Variants in CGGBP1 observed in about 807,000 individuals in gnomAD.
CGGBP1 encodes CGG triplet repeat binding protein 1.
CGGBP1 carries 4 observed loss-of-function variants against 11.4 expected under a neutral mutation model. The ratio of observed to expected loss-of-function variants is 0.35; its 90% CI spans 0.17 to 0.80. The LOEUF is 0.80. Among genes scored for constraint, CGGBP1 ranks in the 30% least tolerant of loss-of-function variants. The pLI is 0.52. For synonymous variants in CGGBP1, 76 were observed against 74.1 expected, an observed-to-expected ratio of 1.03 and a Z score of -0.13; for missense variants, 135 against 202.1, an observed-to-expected ratio of 0.67 and a Z score of 2.01.
At chr3:88,073,785 C>T (rs1311454536) in intron 2 of CGGBP1, among the ~76,000 whole-genome samples, 13 of 152,100 alleles carry the variant, frequency 8.5e-5, no homozygotes, top group African/African-American at 2.9e-4. Flanking sequence ...AATTGTTAAT[C>T]AGTAGCTACA....
rs577079697 is a variant in CGGBP1, at chr3:88,139,205, T to G, written c.-229+1765A>C. 8.9e-6 allele frequency: 13 copies of G among 1,460,296 alleles called. No homozygotes were observed. The South Asian group carries it at 1.8e-4, about 20-fold the overall frequency. The allele number at this position is 1,460,296 out of a possible 1,614,324, so 90.5% of individuals were successfully genotyped here. A position where few individuals can be genotyped will look rare whatever the true frequency, so the allele number is the denominator to read the frequency against. The stretch of plus-strand genomic sequence containing the variant: ...ATCAGAGCACTGGAGAGACTGATCC[T>G]GATGATGTATCTGGAGTGCAGCCTA... On this transcript the variant is annotated intron_variant, in intron 2 of 3. Transcript: ENST00000462901.
In CGGBP1 at chr3:88,054,024, A is replaced by G. The variant is rs1347147149; in HGVS notation, c.*1449T>C. 6.6e-6 allele frequency: 1 copy of G among 152,606 alleles called. No homozygotes were observed. Among genetic ancestry groups the G allele is most frequent in the Non-Finnish European group, 1.5e-5 (1 of 68,000 alleles). The allele number at this position is 152,606 out of a possible 1,614,324, so 9.5% of individuals were successfully genotyped here. Reference sequence around the variant, plus strand: ...TAAGTCTGTAAAAAAATCTTAAGACATGGAAAGCTGTTACTGAAAAATACA... The same window carrying G: ...TAAGTCTGTAAAAAAATCTTAAGACGTGGAAAGCTGTTACTGAAAAATACA... On this transcript the variant is annotated 3_prime_UTR_variant, in exon 4 of 4. Transcript: ENST00000482016.
At chr3:88,094,744 TCTTGTGCTAAG>T (rs1703956783) in intron 2 of CGGBP1, among the ~76,000 whole-genome samples, 1 of 152,138 alleles carries the variant, frequency 6.6e-6, no homozygotes, top group Admixed American at 6.6e-5. Context: ...AATGGCTTAA[TCTTGTGCTAAG>T]TCAGATCATT....
chr3:88,094,323 G>T (rs1483131751), intron 2 of CGGBP1, among the ~76,000 whole-genome samples: 11 of 151,952 alleles, frequency 7.2e-5, no homozygotes, highest in Admixed American at 7.2e-4. Context: ...TCTTTTCCCC[G>T]GTAATTTTGG....
At chr3:88,061,129 C>A (rs1264156173), upstream of CGGBP1, among the ~76,000 whole-genome samples, 1 of 152,064 alleles carries the variant, frequency 6.6e-6, no homozygotes, top group Non-Finnish European at 1.5e-5. Flanking sequence ...CATCTAGAAA[C>A]CACGCTATTG....
rs773152952 is a variant in CGGBP1, at chr3:88,141,089, A to G, written c.-337-11T>C. ...TCTTAGTAGAGGTATCTGTAGAAAG[A>G]GAAAATGGCATAAATAAAACTATTA... On this transcript the variant is annotated splice_polypyrimidine_tract_variant and intron_variant, in intron 1 of 3. Transcript: ENST00000462901. 1.0e-5 allele frequency: 16 copies of G among 1,530,860 alleles called. No homozygotes were observed. The South Asian group carries it at 1.7e-4, about 16-fold the overall frequency. The allele number at this position is 1,530,860 out of a possible 1,614,324, so 94.8% of individuals were successfully genotyped here.
At chr3:88,067,999 A>C (rs2107603902) in intron 2 of CGGBP1, among the ~76,000 whole-genome samples, 1 of 152,250 alleles carries the variant, frequency 6.6e-6, no homozygotes, top group East Asian at 1.9e-4. Context: ...CTATATTATA[A>C]GACCCCTGAA....
chr3:88,091,985 T>C (rs746099057), intron 2 of CGGBP1, among the ~76,000 whole-genome samples: 2 of 152,228 alleles, frequency 1.3e-5, no homozygotes, highest in African/African-American at 2.4e-5. Context: ...AAATAATGTG[T>C]TAAGCAGAAG....
chr3:88,118,592 T>C (rs990225776), intron 2 of CGGBP1, among the ~76,000 whole-genome samples: 20 of 152,192 alleles, frequency 1.3e-4, no homozygotes, highest in Admixed American at 1.2e-3. Context: ...GGCCCTTCTC[T>C]AGAGTACTTG....
rs1271098395 is a variant in CGGBP1, at chr3:88,053,093, G to A, written c.*2380C>T. 1.3e-5 allele frequency: 2 copies of A among 152,470 alleles called. No individual in the cohort carries two copies. The allele number at this position is 152,470 out of a possible 1,614,324, so 9.4% of individuals were successfully genotyped here. A position where few individuals can be genotyped will look rare whatever the true frequency, so the allele number is the denominator to read the frequency against. On this transcript the variant is annotated 3_prime_UTR_variant, in exon 4 of 4. Coordinates refer to ENST00000482016, the MANE Select transcript of CGGBP1 (RefSeq NM_001008390.2). ...CATCACACTAACACTATATAGTTAA[G>A]ATTGAAAACTTCTGTACACACGTTC...
At chr3:88,126,127 C>G in intron 2 of CGGBP1, 2 of 1,493,674 alleles carry the variant, frequency 1.3e-6, no homozygotes, top group Non-Finnish European at 1.8e-6. Flanking sequence ...TGATTTTTCT[C>G]TCCTAGGAAT....
intron 2 of CGGBP1, among the ~76,000 whole-genome samples, chr3:88,079,663 A>G (rs1307425960): frequency 6.6e-6 from 1 of 152,064 alleles, no homozygotes; most frequent in Non-Finnish European, 1.5e-5. Context: ...AGGTTGGACT[A>G]GATAATCTTC....
upstream of CGGBP1, among the ~76,000 whole-genome samples, chr3:88,060,029 G>A (rs1057176399): frequency 1.3e-4 from 19 of 151,954 alleles, no homozygotes; most frequent in African/African-American, 4.6e-4. Flanking sequence ...AGATCCCGCT[G>A]GGCCGGTTCT....
At chr3:88,091,209 T>G (rs2079051124) in intron 2 of CGGBP1, among the ~76,000 whole-genome samples, 1 of 152,188 alleles carries the variant, frequency 6.6e-6, no homozygotes, top group Non-Finnish European at 1.5e-5. Context: ...ACATAATGAC[T>G]GTACTATGTT....
rs947986942 is a variant in CGGBP1 at position 88,054,920 on chromosome 3, G to A, written c.*553C>T. ...AAGTATGGAATTGAAAGATAGTTAAGGTGACTACATCATATACAAGTAAAA... is the reference window on the plus strand; with the variant it reads ...AAGTATGGAATTGAAAGATAGTTAAAGTGACTACATCATATACAAGTAAAA... On this transcript the variant is annotated 3_prime_UTR_variant, in exon 4 of 4. Coordinates refer to ENST00000482016, the MANE Select transcript of CGGBP1 (RefSeq NM_001008390.2). The A allele has an allele frequency of 5.4e-5, 6 of 111,066 alleles. No individual in the cohort carries two copies. Among genetic ancestry groups the A allele is most frequent in the African/African-American group, 2.1e-4 (6 of 28,458 alleles). 6.9% of individuals were successfully genotyped at this position (111,066 alleles called of 1,614,324 possible). A position where few individuals can be genotyped will look rare whatever the true frequency, so the allele number is the denominator to read the frequency against.
upstream of CGGBP1, chr3:88,059,066 T>A (rs113975874): frequency 1.5e-6 from 1 of 666,042 alleles, no homozygotes; most frequent in Non-Finnish European, 2.4e-6. Flanking sequence ...AGACGGCCGG[T>A]TTATCAAACA....
At chr3:88,121,070 C>T (rs1245948532) in intron 2 of CGGBP1, among the ~76,000 whole-genome samples, 1 of 151,948 alleles carries the variant, frequency 6.6e-6, no homozygotes, top group Admixed American at 6.6e-5. Context: ...CCTGTATATT[C>T]AGCACATGTA....
In CGGBP1 at chr3:88,053,154, T is replaced by G. The variant is rs112176545; in HGVS notation, c.*2319A>C. On this transcript the variant is annotated 3_prime_UTR_variant, in exon 4 of 4. Coordinates refer to ENST00000482016, the MANE Select transcript of CGGBP1 (RefSeq NM_001008390.2). Reference sequence around the variant, plus strand: ...CAAAGCAGCATATGCCTCTTAGACATCCTCATTTGTTATCTAACATATGCC... The same window carrying G: ...CAAAGCAGCATATGCCTCTTAGACAGCCTCATTTGTTATCTAACATATGCC... The G allele has an allele frequency of 6.6e-6, 1 of 152,382 alleles. No individual in the cohort carries two copies. Among genetic ancestry groups the G allele is most frequent in the Non-Finnish European group, 1.5e-5 (1 of 67,992 alleles). The allele number at this position is 152,382 out of a possible 1,614,324, so 9.4% of individuals were successfully genotyped here.
At chr3:88,140,953 A>G in intron 2 of CGGBP1, 1 of 1,613,518 alleles carries the variant, frequency 6.2e-7, no homozygotes, top group Non-Finnish European at 8.5e-7. Context: ...AGATGTGGCA[A>G]ATGCCTGACC....
Sources: allele counts gnomAD v4.1 joint callset (sites outside exome capture counted in the v4.1 genomes callset), GRCh38; gene constraint gnomAD v4.1.1; transcripts MANE v1.5; gene names NCBI Gene and HGNC (gene_info 2026-07-23, HGNC 2026-07-21).